SLC24A2: variants seen among roughly 807,000 people sequenced by gnomAD.
The protein encoded by SLC24A2 is sodium/potassium/calcium exchanger 2.
Under a neutral mutation model 62.0 loss-of-function variants are expected in SLC24A2, and 36 were observed. That is an observed-to-expected ratio of 0.58 (90% confidence interval 0.44 to 0.77). The LOEUF (loss-of-function observed/expected upper bound fraction) is 0.77. SLC24A2 is among the 30% of genes least tolerant of loss of function. The probability of loss-of-function intolerance (pLI) is 0.00; values close to 1 mark genes in which losing one functional copy is unlikely to be tolerated. For missense variants in SLC24A2, 846 were observed against 817.9 expected (o/e 1.03, Z -0.42); for synonymous variants, 358 against 294.0 (o/e 1.22, Z -2.23).
intron 2 of SLC24A2, among the ~76,000 whole-genome samples, chr9:19,785,041 G>A (rs1394592284): frequency 6.6e-6 from 1 of 152,102 alleles, no homozygotes; most frequent in Non-Finnish European, 1.5e-5. Flanking sequence ...TTGGCTTTCT[G>A]TTTAAAATCA....
At chr9:20,072,631 G>C in the SLC24A2 span, among the ~76,000 whole-genome samples, 1 of 151,972 alleles carries the variant, frequency 6.6e-6, no homozygotes, top group African/African-American at 2.4e-5. Context: ...GATTATCCTA[G>C]ATTATCTAGT....
intron 8 of SLC24A2, among the ~76,000 whole-genome samples, chr9:19,546,031 G>A (rs4977553): frequency 0.76 from 115,080 of 152,212 alleles, 44,919 homozygotes; most frequent in East Asian, 1. Context: ...CACCAGAGGA[G>A]GCTGCAGAAC....
intron 2 of SLC24A2, among the ~76,000 whole-genome samples, chr9:19,669,089 T>C (rs1275298725): frequency 6.6e-6 from 1 of 152,168 alleles, no homozygotes; most frequent in Non-Finnish European, 1.5e-5. Flanking sequence ...TCTTATACGG[T>C]ATAGTTATTC....
At chr9:19,601,533 A>G (rs1437837383) in intron 4 of SLC24A2, among the ~76,000 whole-genome samples, 1 of 152,224 alleles carries the variant, frequency 6.6e-6, no homozygotes, top group Non-Finnish European at 1.5e-5. Flanking sequence ...CCATTCTGGA[A>G]GTCAGAGAGA....
intron 2 of SLC24A2, among the ~76,000 whole-genome samples, chr9:19,635,879 T>C (rs1385122326): frequency 3.3e-5 from 5 of 152,262 alleles, no homozygotes; most frequent in Non-Finnish European, 7.3e-5. Context: ...GTCTTCTATA[T>C]AGTCATAACA....
intron 2 of SLC24A2, among the ~76,000 whole-genome samples, chr9:19,775,986 C>G (rs192199270): frequency 6.6e-5 from 10 of 152,170 alleles, no homozygotes; most frequent in Admixed American, 3.9e-4. Context: ...AAAGTTGACA[C>G]CAGTATTTTT....
At chr9:20,079,785 C>G in the SLC24A2 span, among the ~76,000 whole-genome samples, 2 of 152,116 alleles carry the variant, frequency 1.3e-5, no homozygotes, top group African/African-American at 2.4e-5. Flanking sequence ...GATTTTGTAT[C>G]CTGAGACTTG....
the SLC24A2 span, among the ~76,000 whole-genome samples, chr9:19,817,453 C>G: frequency 1.3e-5 from 2 of 151,542 alleles, no homozygotes; most frequent in Non-Finnish European, 2.9e-5. Flanking sequence ...CTTTATATAT[C>G]TATATGCAAT....
the SLC24A2 span, among the ~76,000 whole-genome samples, chr9:20,220,624 T>G: frequency 2.0e-5 from 3 of 152,150 alleles, no homozygotes; most frequent in Non-Finnish European, 2.9e-5. Flanking sequence ...TTGGTTGGTT[T>G]GTTTGTTTAT....
chr9:19,647,396 C>G (rs57014387), intron 2 of SLC24A2, among the ~76,000 whole-genome samples: 6,285 of 152,230 alleles, frequency 0.041, 154 homozygotes, highest in Middle Eastern at 0.12. Flanking sequence ...GAGGACAAGA[C>G]TACAAACAGG....
At chr9:19,564,107 C>T (rs75248168) in intron 7 of SLC24A2, among the ~76,000 whole-genome samples, 8,247 of 152,094 alleles carry the variant, frequency 0.054, 730 homozygotes, top group African/African-American at 0.19. Context: ...CCACCTGCCT[C>T]GGCCTCCCAA....
the SLC24A2 span, among the ~76,000 whole-genome samples, chr9:20,088,774 G>C: frequency 1.3e-5 from 2 of 151,998 alleles, no homozygotes; most frequent in African/African-American, 4.8e-5. Flanking sequence ...CCTCTGCATC[G>C]GGGTCCCCAG....
chr9:19,789,935 G>A (rs1823289819), upstream of SLC24A2, among the ~76,000 whole-genome samples: 1 of 152,132 alleles, frequency 6.6e-6, no homozygotes, highest in Non-Finnish European at 1.5e-5. Context: ...TTACAATGGG[G>A]GTAATGGGTA....
At chr9:20,192,240 G>A in the SLC24A2 span, among the ~76,000 whole-genome samples, 1 of 152,134 alleles carries the variant, frequency 6.6e-6, no homozygotes, top group Non-Finnish European at 1.5e-5. Context: ...CAATGAGCAT[G>A]GTAGACAGAG....
chr9:19,586,105 C>T (rs1002410307), intron 5 of SLC24A2, among the ~76,000 whole-genome samples: 5 of 152,140 alleles, frequency 3.3e-5, no homozygotes, highest in Non-Finnish European at 7.4e-5. Flanking sequence ...TTGTCTTATT[C>T]CTTTTCAAGA....
the SLC24A2 span, among the ~76,000 whole-genome samples, chr9:20,026,702 G>A: frequency 6.6e-6 from 1 of 152,066 alleles, no homozygotes; most frequent in Non-Finnish European, 1.5e-5. Flanking sequence ...TTAAATGTAA[G>A]ATCTGAAACT....
chr9:20,187,744 G>C, the SLC24A2 span, among the ~76,000 whole-genome samples: 1 of 152,074 alleles, frequency 6.6e-6, no homozygotes, highest in African/African-American at 2.4e-5. Context: ...CACGACATCT[G>C]AGCATCTTGT....
the SLC24A2 span, among the ~76,000 whole-genome samples, chr9:19,820,431 G>C: frequency 6.7e-6 from 1 of 149,028 alleles, no homozygotes; most frequent in East Asian, 2.0e-4. Flanking sequence ...ATAACTTATG[G>C]AAAAATAAAA....
At chr9:19,768,583 T>C (rs1822588081) in intron 2 of SLC24A2, among the ~76,000 whole-genome samples, 1 of 152,194 alleles carries the variant, frequency 6.6e-6, no homozygotes, top group Non-Finnish European at 1.5e-5. Context: ...GGGTAGCATC[T>C]ACAGCGTGGA....
Sources: allele counts gnomAD v4.1 joint callset (sites outside exome capture counted in the v4.1 genomes callset), GRCh38; gene constraint gnomAD v4.1.1; transcripts MANE v1.5; gene names NCBI Gene and HGNC (gene_info 2026-07-23, HGNC 2026-07-21).